The following PPARG variants were observed in gnomAD, a reference collection of about 807,000 sequenced individuals.
PPARG encodes peroxisome proliferator-activated receptor gamma.
Under a neutral mutation model 39.2 loss-of-function variants are expected in PPARG, and 17 were observed. The observed-to-expected ratio is 0.43, with a 90% confidence interval of 0.30 to 0.65. PPARG has a LOEUF of 0.65. Among genes scored for constraint, PPARG ranks in the 30% least tolerant of loss-of-function variants. The pLI is 0.13. For missense variants in PPARG, 406 were observed against 585.9 expected, an observed-to-expected ratio of 0.69 and a Z score of 3.17; for synonymous variants, 223 against 215.7, an observed-to-expected ratio of 1.03 and a Z score of -0.30.
At chr3:12,311,707 A>G (rs2047249908) in intron 1 of PPARG, among the ~76,000 whole-genome samples, 1 of 152,194 alleles carries the variant, frequency 6.6e-6, no homozygotes, top group African/African-American at 2.4e-5. Context: ...TTCATGGAAA[A>G]TACAGCTATT....
intron 1 of PPARG, among the ~76,000 whole-genome samples, chr3:12,296,585 T>C (rs2046792556): frequency 6.6e-6 from 1 of 152,172 alleles, no homozygotes; most frequent in Admixed American, 6.5e-5. Context: ...ATAGGATCTC[T>C]TGGAACCATC....
intron 2 of PPARG, among the ~76,000 whole-genome samples, chr3:12,364,517 G>A (rs183363388): frequency 6.6e-6 from 1 of 152,186 alleles, no homozygotes; most frequent in Non-Finnish European, 1.5e-5. Flanking sequence ...ATAAACACCT[G>A]TGTGTGGGTT....
At chr3:12,357,556 C>A (rs966560954) in intron 2 of PPARG, among the ~76,000 whole-genome samples, 1 of 152,118 alleles carries the variant, frequency 6.6e-6, no homozygotes, top group Non-Finnish European at 1.5e-5. Context: ...CTACAATTTC[C>A]TATTTAAAAA....
intron 6 of PPARG, among the ~76,000 whole-genome samples, chr3:12,413,891 A>G (rs2050970446): frequency 6.6e-6 from 1 of 151,928 alleles, no homozygotes; most frequent in East Asian, 1.9e-4. Context: ...GTCCTTGAGT[A>G]TTTACTGCCA....
At chr3:12,399,891 G>A (rs1228751252) in intron 5 of PPARG, among the ~76,000 whole-genome samples, 5 of 150,948 alleles carry the variant, frequency 3.3e-5, no homozygotes, top group African/African-American at 4.9e-5. Context: ...TTGGGAGGCT[G>A]AGGCAGAATG....
rs1186361559 is a variant in PPARG, at chr3:12,379,725, A to G, written c.14A>G (p.Glu5Gly). 6.2e-7 allele frequency: 1 copy of G among 1,613,908 alleles called. No homozygotes were observed. Among genetic ancestry groups the G allele is most frequent in the Non-Finnish European group, 8.5e-7 (1 of 1,179,936 alleles). MVDT[E>G]MPFWPTNFGI... ...TCAGAAATGACCATGGTTGACACAG[A>G]GATGCCATTCTGGCCCACCAACTTT... The change falls in exon 3 of 8, where the codon GAG becomes GGG. Residue 5 changes from glutamate (E) to glycine (G), a missense_variant. This residue lies in a region of PPARG where 131 missense variants were observed against 127.9 expected (regional missense o/e 1.02). Coordinates refer to ENST00000651735, the MANE Select transcript of PPARG (RefSeq NM_138711.6).
At chr3:12,322,927 A>G (rs987764089) in intron 2 of PPARG, among the ~76,000 whole-genome samples, 1 of 151,882 alleles carries the variant, frequency 6.6e-6, no homozygotes. Flanking sequence ...TCAGCCTCCC[A>G]ATTAGCTGGG....
chr3:12,414,201 G>C (rs2050980511), intron 6 of PPARG, among the ~76,000 whole-genome samples: 1 of 152,200 alleles, frequency 6.6e-6, no homozygotes, highest in Admixed American at 6.5e-5. Context: ...GGGCAGTTCT[G>C]GGTACAGTCT....
At chr3:12,366,189 A>G (rs1277348903) in intron 2 of PPARG, among the ~76,000 whole-genome samples, 1 of 152,134 alleles carries the variant, frequency 6.6e-6, no homozygotes, top group Non-Finnish European at 1.5e-5. Flanking sequence ...TTATGAGGAA[A>G]ATGTAATGTC....
rs927577889 is a variant in PPARG, at chr3:12,296,335, G to A, written c.-83+7201G>A. On this transcript the variant is annotated intron_variant, in intron 1 of 7. Coordinates refer to ENST00000651735, the MANE Select transcript of PPARG (RefSeq NM_138711.6). ...TTAAAATGTGGTCCTGGGATCGTGA[G>A]CATCCTCTGGCAGCTTGTTAGAAAT... Among the ~76,000 whole-genome samples, 6 of 151,544 alleles carry A rather than the reference G, an allele frequency of 4.0e-5. No homozygotes were observed. The South Asian group carries it at 1.3e-3, about 32-fold the overall frequency.
In PPARG at chr3:12,290,184, G is replaced by GT. The variant is rs538634608; in HGVS notation, c.-83+1058dup. On this transcript the variant is annotated intron_variant, in intron 1 of 7. Coordinates refer to ENST00000651735, the MANE Select transcript of PPARG (RefSeq NM_138711.6). Reference sequence around the variant, plus strand: ...AAGGAAAAGAGAAACACTAATGATGGTTTTTTTTAAAATCAAAAACTTTTT... The same window carrying GT: ...AAGGAAAAGAGAAACACTAATGATGGTTTTTTTTTAAAATCAAAAACTTTTT... Among the ~76,000 whole-genome samples, 366 of 151,658 alleles carry GT rather than the reference G, an allele frequency of 2.4e-3. 2 individuals are homozygous for GT. Among genetic ancestry groups the GT allele is most frequent in the Non-Finnish European group, 4.7e-3 (320 of 67,852 alleles).
intron 5 of PPARG, among the ~76,000 whole-genome samples, chr3:12,399,820 C>CA (rs36025945): frequency 0.25 from 25,634 of 103,186 alleles, 4,699 homozygotes; most frequent in African/African-American, 0.52. Context: ...CCATGTCTAC[C>CA]AAAAAAAAAA....
At chr3:12,310,822 A>C (rs1196667912) in intron 1 of PPARG, among the ~76,000 whole-genome samples, 8 of 141,500 alleles carry the variant, frequency 5.7e-5, no homozygotes, top group Non-Finnish European at 1.1e-4. Flanking sequence ...AAAAAAAAAA[A>C]AACCCAAGTG....
intron 1 of PPARG, among the ~76,000 whole-genome samples, chr3:12,308,366 AAAAAG>A (rs1229208543): frequency 4.7e-5 from 7 of 149,304 alleles, no homozygotes; most frequent in Admixed American, 1.3e-4. Flanking sequence ...AAAAAAAAAA[AAAAAG>A]GGAGAAACTG....
At chr3:12,405,235 A>T (rs2050617566) in intron 5 of PPARG, among the ~76,000 whole-genome samples, 1 of 152,134 alleles carries the variant, frequency 6.6e-6, no homozygotes, top group Admixed American at 6.5e-5. Context: ...ACACTTCCTC[A>T]CCCTACAGGC....
rs188448634 is a variant in PPARG, at chr3:12,371,669, T to G, written c.-8-8035T>G. ...GTTAAAAGTCCCATTTTCAGCATATTTACATGTAGTAACAACTTGATAACA... is the reference window on the plus strand; with the variant it reads ...GTTAAAAGTCCCATTTTCAGCATATGTACATGTAGTAACAACTTGATAACA... On this transcript the variant is annotated intron_variant, in intron 2 of 7. Coordinates refer to ENST00000651735, the MANE Select transcript of PPARG (RefSeq NM_138711.6). Among the ~76,000 whole-genome samples, 43 of 152,326 alleles carry G rather than the reference T, an allele frequency of 2.8e-4. 1 individual carries two copies. Among genetic ancestry groups the G allele is most frequent in the African/African-American group, 5.5e-4 (23 of 41,572 alleles).
At chr3:12,346,464 C>T (rs1290334284) in intron 2 of PPARG, among the ~76,000 whole-genome samples, 1 of 152,154 alleles carries the variant, frequency 6.6e-6, no homozygotes, top group Non-Finnish European at 1.5e-5. Context: ...TTTTCTGATT[C>T]TAGAGATGAG....
intron 4 of PPARG, among the ~76,000 whole-genome samples, chr3:12,382,913 G>A (rs935424501): frequency 5.3e-5 from 8 of 152,152 alleles, no homozygotes; most frequent in African/African-American, 1.9e-4. Context: ...CAAGGCTGCA[G>A]TGAGCTATGA....
intron 6 of PPARG, among the ~76,000 whole-genome samples, chr3:12,413,254 T>C (rs545373167): frequency 4.5e-4 from 69 of 152,178 alleles, no homozygotes; most frequent in Non-Finnish European, 8.2e-4. Context: ...CTGTGAAATA[T>C]GAAAGTGAAC....
Sources: allele counts gnomAD v4.1 joint callset (sites outside exome capture counted in the v4.1 genomes callset), GRCh38; gene constraint gnomAD v4.1.1; regional missense constraint gnomAD v4.1.1; transcripts MANE v1.5; gene names NCBI Gene and HGNC (gene_info 2026-07-23, HGNC 2026-07-21).